The following KCMF1 variants were observed in gnomAD, a reference collection of about 807,000 sequenced individuals.
KCMF1 encodes the protein E3 ubiquitin-protein ligase KCMF1.
KCMF1 carries 3 observed loss-of-function variants against 41.1 expected under a neutral mutation model. The ratio of observed to expected loss-of-function variants is 0.07; its 90% CI spans 0.03 to 0.19. KCMF1 has a LOEUF of 0.19. Among genes scored for constraint, KCMF1 ranks in the 10% least tolerant of loss-of-function variants. The pLI is 1.00. For synonymous variants in KCMF1, 142 were observed against 164.5 expected (o/e 0.86, Z 1.04); for missense variants, 286 against 488.9 (o/e 0.58, Z 3.91).
chr2:84,982,926 TCTC>T (rs1673802063), intron 1 of KCMF1, among the ~76,000 whole-genome samples: 1 of 152,218 alleles, frequency 6.6e-6, no homozygotes, highest in African/African-American at 2.4e-5. Context: ...GATTTTCTCT[TCTC>T]TAGGAAAACT....
At chr2:84,989,574 A>G (rs939481062) in intron 1 of KCMF1, among the ~76,000 whole-genome samples, 2 of 152,202 alleles carry the variant, frequency 1.3e-5, no homozygotes, top group African/African-American at 4.8e-5. Flanking sequence ...TTTCATTACC[A>G]CAAGAAAAGA....
In KCMF1 at chr2:85,011,833, G is replaced by A. The variant is rs545753406; in HGVS notation, c.17-16056G>A. Among the ~76,000 whole-genome samples, 8 of 152,322 alleles carry A rather than the reference G, an allele frequency of 5.3e-5. No individual in the cohort carries two copies. The South Asian group carries it at 1.7e-3, about 32-fold the overall frequency. On this transcript the variant is annotated intron_variant, in intron 1 of 6. Transcript: ENST00000409785. ...CGTAGACATTTTGGGCCAGGGGGCT[G>A]TCCTGTGTTTTGTAGGATGTTTAGT...
chr2:85,021,364 G>A (rs561405356), intron 1 of KCMF1, among the ~76,000 whole-genome samples: 8 of 152,078 alleles, frequency 5.3e-5, no homozygotes, highest in East Asian at 1.9e-4. Flanking sequence ...TGGCTCACGC[G>A]TGTAATCCCA....
At chr2:85,018,844 G>T (rs1359630270) in intron 1 of KCMF1, among the ~76,000 whole-genome samples, 1 of 115,392 alleles carries the variant, frequency 8.7e-6, no homozygotes, top group Non-Finnish European at 1.6e-5. Context: ...TCGCTCTGTC[G>T]CCCAGGCTGG....
chr2:85,010,983 A>G (rs1480328905), intron 1 of KCMF1, among the ~76,000 whole-genome samples: 3 of 151,796 alleles, frequency 2.0e-5, no homozygotes, highest in Non-Finnish European at 2.9e-5. Context: ...AGCTGGGACT[A>G]TAGGCGCATG....
In KCMF1 at chr2:84,992,369, C is replaced by G. The variant is rs148892278; in HGVS notation, c.16+20902C>G. On this transcript the variant is annotated intron_variant, in intron 1 of 6. Transcript: ENST00000409785. ...CTGCCGGGTTCAAGTGATTCTCCTG[C>G]CTCAGCCTCCCAAGTAGCTGGGACT... Among the ~76,000 whole-genome samples the G allele has an allele frequency of 2.6e-3, 399 of 152,102 alleles. 2 individuals carry two copies. The highest frequency in any genetic ancestry group is 8.9e-3 in the African/African-American group (369 of 41,510).
intron 1 of KCMF1, among the ~76,000 whole-genome samples, chr2:85,008,291 T>TATAATATATAATATGATATATATATC (rs1674531898): frequency 1.4e-4 from 2 of 14,624 alleles, no homozygotes; most frequent in Admixed American, 1.1e-3. Context: ...TGATATATAA[T>TATAATATATAATATGATATATATATC]ATATATAATA....
rs974361400 is a variant in KCMF1, at chr2:85,056,133, G to C, written c.*2724G>C. The C allele has an allele frequency of 6.6e-5, 10 of 151,528 alleles. No homozygotes were observed. Among genetic ancestry groups the C allele is most frequent in the African/African-American group, 2.4e-4 (10 of 41,226 alleles). The allele number at this position is 151,528 out of a possible 1,614,324, so 9.4% of individuals were successfully genotyped here. On this transcript the variant is annotated 3_prime_UTR_variant, in exon 7 of 7. Transcript: ENST00000409785. ...TTTGTTAAAAAAAAAAAAATCCACA[G>C]AAGTAGAACCTAGGTTTGCTACTAA... is the stretch of plus-strand genomic sequence containing the variant.
At chr2:85,000,898 C>T (rs1296765918) in intron 1 of KCMF1, among the ~76,000 whole-genome samples, 3 of 151,254 alleles carry the variant, frequency 2.0e-5, no homozygotes, top group African/African-American at 7.3e-5. Context: ...CCCACCTCAG[C>T]ATCCTGAGTA....
intron 1 of KCMF1, among the ~76,000 whole-genome samples, chr2:85,009,870 C>A (rs931717753): frequency 3.3e-5 from 5 of 152,170 alleles, no homozygotes; most frequent in Non-Finnish European, 5.9e-5. Context: ...TTCTTAAAGA[C>A]CTTTTATCCA....
chr2:85,008,380 AT>A (rs1558573650), intron 1 of KCMF1, among the ~76,000 whole-genome samples: 6 of 123,182 alleles, frequency 4.9e-5, no homozygotes, highest in African/African-American at 2.1e-4. Flanking sequence ...CATATGATAT[AT>A]TATATATGAT....
At chr2:84,976,642 CAAAAAA>C (rs1163223948) in intron 1 of KCMF1, among the ~76,000 whole-genome samples, 1 of 134,036 alleles carries the variant, frequency 7.5e-6, no homozygotes, top group Non-Finnish European at 1.5e-5. Flanking sequence ...AAAAAAAAAA[CAAAAAA>C]AAACAAATTG....
intron 1 of KCMF1, among the ~76,000 whole-genome samples, chr2:85,023,610 C>T (rs896555032): frequency 3.3e-5 from 5 of 152,156 alleles, no homozygotes; most frequent in African/African-American, 9.7e-5. Context: ...CGTGAGCCAC[C>T]GCGCCCAGCC....
At position 85,035,012 on chromosome 2, in the gene KCMF1, TCAGA is replaced by T; in HGVS notation, c.185-3_185del. The T allele has an allele frequency of 6.3e-7, 1 of 1,599,438 alleles. No homozygotes were observed. The highest frequency in any genetic ancestry group is 1.1e-5 in the South Asian group (1 of 88,434). ...CCTCAATGCAATTCTACCTTATTTT[TCAGA>T]TTTATACTATGGTGGGGAAGCTTTC... On this transcript the variant is annotated splice_acceptor_variant and splice_polypyrimidine_tract_variant and coding_sequence_variant and intron_variant, in exon 3 of 7. Coordinates refer to ENST00000409785, the MANE Select transcript of KCMF1 (RefSeq NM_020122.5). LOFTEE classifies it high-confidence loss of function.
chr2:85,002,358 G>A (rs560036748), intron 1 of KCMF1, among the ~76,000 whole-genome samples: 1 of 152,282 alleles, frequency 6.6e-6, no homozygotes, highest in South Asian at 2.1e-4. Context: ...AGCATTCACT[G>A]TACCATCAGA....
intron 2 of KCMF1, among the ~76,000 whole-genome samples, chr2:85,032,358 ATTTTATTTTAT>A (rs1352017397): frequency 1.7e-4 from 25 of 145,806 alleles, no homozygotes; most frequent in Admixed American, 8.1e-4. Context: ...TTTTATTTTT[ATTTTATTTTAT>A]TTTTATTTTA....
At chr2:85,050,479 A>G (rs1187213046) in intron 6 of KCMF1, among the ~76,000 whole-genome samples, 1 of 152,130 alleles carries the variant, frequency 6.6e-6, no homozygotes, top group Non-Finnish European at 1.5e-5. Flanking sequence ...ACAGTAAACT[A>G]CTCTACTAGA....
At chr2:84,994,184 G>A (rs1246956398) in intron 1 of KCMF1, among the ~76,000 whole-genome samples, 2 of 151,986 alleles carry the variant, frequency 1.3e-5, no homozygotes, top group Non-Finnish European at 2.9e-5. Context: ...TCCTGACCCT[G>A]TGATCCGCCC....
chr2:84,992,348 C>T (rs767964912), intron 1 of KCMF1, among the ~76,000 whole-genome samples: 21 of 150,970 alleles, frequency 1.4e-4, no homozygotes, highest in Admixed American at 1.4e-3. Context: ...ATCTGCCTGC[C>T]GGGTTCAAGT....
Sources: gnomAD v4.1 joint callset for allele counts (sites outside exome capture counted in the v4.1 genomes callset) on GRCh38, gnomAD v4.1.1 for gene constraint, MANE v1.5 for transcripts, NCBI Gene and HGNC (gene_info 2026-07-23, HGNC 2026-07-21) for gene names.